ANXA6: variants seen among roughly 807,000 people sequenced by gnomAD.
ANXA6 encodes annexin A6.
In ANXA6, 71 loss-of-function variants were observed where a neutral mutation model predicts 95.4. The observed-to-expected ratio is 0.74, with a 90% CI of 0.61 to 0.91. The LOEUF (loss-of-function observed/expected upper bound fraction) is 0.91, where lower values mean the gene tolerates loss of function less well. Ranked by LOEUF, ANXA6 falls within the 40% of genes least tolerant of loss-of-function variation. ANXA6 has a pLI of 0.00. For synonymous variants in ANXA6, 289 were observed against 315.9 expected (o/e 0.91, Z 0.90); for missense variants, 830 against 876.4 (o/e 0.95, Z 0.67).
chr5:151,101,270 CG>C lies in ANXA6; in HGVS notation c.*177del. On this transcript the variant is annotated 3_prime_UTR_variant, in exon 26 of 26. Coordinates refer to ENST00000354546, the MANE Select transcript of ANXA6 (RefSeq NM_001155.5). ...CAGCCGCTCAGCCGTGCTGGGCCCT[CG>C]ATGGCCCGTGGGAGTGGGAGCGTTT... 1 of 658,470 alleles carries C rather than the reference CG, an allele frequency of 1.5e-6. No homozygotes were observed. The highest frequency in any genetic ancestry group is 1.8e-5 in the South Asian group (1 of 56,600). The allele number at this position is 658,470 out of a possible 1,614,324, so 40.8% of individuals were successfully genotyped here. A position where few individuals can be genotyped will look rare whatever the true frequency, so the allele number is the denominator to read the frequency against.
At chr5:151,116,265 AT>A (rs1206207372) in intron 20 of ANXA6, among the ~76,000 whole-genome samples, 3 of 152,212 alleles carry the variant, frequency 2.0e-5, no homozygotes, top group Non-Finnish European at 4.4e-5. Context: ...CTGGATGTCT[AT>A]AAAAGTCTGT....
rs3815723 is a variant in ANXA6, at chr5:151,132,668, G to A, written c.641-97C>T. On this transcript the variant is annotated intron_variant, in intron 9 of 25. Coordinates refer to ENST00000354546, the MANE Select transcript of ANXA6 (RefSeq NM_001155.5). ...AGCAGGGGGGCACAGTGGCCAGGAC[G>A]ACTGTCCACCATGAAGCTAGGGCTG... The A allele has an allele frequency of 0.01, 9,964 of 992,804 alleles. 496 individuals are homozygous for A. In the East Asian group the frequency reaches 0.15, roughly 15 times the overall value. 61.5% of individuals were successfully genotyped at this position (992,804 alleles called of 1,614,324 possible). A position where few individuals can be genotyped will look rare whatever the true frequency, so the allele number is the denominator to read the frequency against.
intron 1 of ANXA6, among the ~76,000 whole-genome samples, chr5:151,154,295 G>A (rs1347692000): frequency 1.4e-5 from 2 of 138,944 alleles, no homozygotes; most frequent in Non-Finnish European, 3.1e-5. Flanking sequence ...GCAGTTTGCA[G>A]TATATATATA....
chr5:151,129,752 C>T (rs1298634916), intron 11 of ANXA6, among the ~76,000 whole-genome samples: 1 of 152,020 alleles, frequency 6.6e-6, no homozygotes, highest in Admixed American at 6.5e-5. Flanking sequence ...TCACTCTTGT[C>T]CAGGCTGGAG....
In ANXA6 at chr5:151,103,620, G is replaced by A. The variant is rs1012456943; in HGVS notation, c.1912C>T (p.Arg638Trp). Residue 638 changes from arginine to tryptophan, a missense_variant, in exon 25 of 26, where the codon CGG becomes TGG. Arg to Trp is a moderately radical substitution (Grantham distance 101, BLOSUM62 -3). Coordinates refer to ENST00000354546, the MANE Select transcript of ANXA6 (RefSeq NM_001155.5). ...TCATATTTCTCAATGAATTCCCTCCGGATGTTGAGCAGGTCAATCTCACTG... is the reference window on the plus strand; with the variant it reads ...TCATATTTCTCAATGAATTCCCTCCAGATGTTGAGCAGGTCAATCTCACTG... ...SRSEIDLLNI[R>W]REFIEKYDKS... The A allele has an allele frequency of 1.9e-5, 30 of 1,611,690 alleles. No homozygotes were observed. In the Admixed American group the frequency reaches 2.5e-4, roughly 13 times the overall value.
At chr5:151,153,062 G>A (rs554829527) in intron 1 of ANXA6, among the ~76,000 whole-genome samples, 8 of 152,264 alleles carry the variant, frequency 5.3e-5, no homozygotes, top group Admixed American at 1.3e-4. Context: ...GCACTCCTCT[G>A]CTCACAAGTC....
intron 23 of ANXA6, among the ~76,000 whole-genome samples, chr5:151,107,164 C>A (rs530279462): frequency 6.6e-6 from 1 of 152,162 alleles, no homozygotes; most frequent in African/African-American, 2.4e-5. Flanking sequence ...ACTAACTTTG[C>A]GCAGGGCTTG....
chr5:151,102,265 C>T (rs1339316610), intron 25 of ANXA6, among the ~76,000 whole-genome samples: 1 of 152,078 alleles, frequency 6.6e-6, no homozygotes, highest in Non-Finnish European at 1.5e-5. Flanking sequence ...TCAAAATGTG[C>T]CAACAATTTA....
chr5:151,123,005 T>C lies in ANXA6; in HGVS notation c.1145A>G (p.Asp382Gly). 6.2e-7 allele frequency: 1 copy of C among 1,613,460 alleles called. No homozygotes were observed. Among genetic ancestry groups the C allele is most frequent in the Non-Finnish European group, 8.5e-7 (1 of 1,179,832 alleles). The stretch of plus-strand genomic sequence containing the variant: ...GATGATATCGATGATTGTGTCTTCG[T>C]CAGTCCCTGAGTCACCAAAGCCACA... The part of the protein sequence containing the change: ...LRKAMKGLGT[D>G]EDTIIDIITH... The change falls in exon 16 of 26, where the codon GAC becomes GGC. Residue 382 changes from aspartate to glycine, a missense_variant. Physicochemically the swap from Asp to Gly is moderately conservative, Grantham distance 94. Coordinates refer to ENST00000354546, the MANE Select transcript of ANXA6 (RefSeq NM_001155.5).
At chr5:151,148,796 C>T (rs554353102) in intron 1 of ANXA6, among the ~76,000 whole-genome samples, 4 of 152,162 alleles carry the variant, frequency 2.6e-5, no homozygotes, top group East Asian at 1.9e-4. Context: ...GGAACCACCA[C>T]GAGCTCAGTG....
chr5:151,119,839 T>C (rs972456710), intron 17 of ANXA6, among the ~76,000 whole-genome samples: 2 of 152,216 alleles, frequency 1.3e-5, no homozygotes, highest in Admixed American at 6.5e-5. Context: ...ACATGTATTA[T>C]TTTGTTAGAA....
chr5:151,155,085 T>C (rs1324785645), intron 1 of ANXA6: 2 of 152,194 alleles, frequency 1.3e-5, no homozygotes, highest in Non-Finnish European at 2.9e-5. Context: ...GGAAGCACTA[T>C]ATTTTATAAG....
At chr5:151,112,599 A>C (rs1764881084) in intron 20 of ANXA6, among the ~76,000 whole-genome samples, 1 of 152,242 alleles carries the variant, frequency 6.6e-6, no homozygotes, top group African/African-American at 2.4e-5. Context: ...TGGGAAGCCA[A>C]GGTGGGAGGA....
chr5:151,139,691 A>C (rs1365325260), intron 3 of ANXA6, among the ~76,000 whole-genome samples: 1 of 152,222 alleles, frequency 6.6e-6, no homozygotes, highest in African/African-American at 2.4e-5. Flanking sequence ...TCACTGCACA[A>C]ATCAGGAAAT....
chr5:151,141,588 C>T lies in ANXA6; in HGVS notation c.19-1345G>A, dbSNP rs553603680. ...GTCCTGGACCGCCTCCCCCTCTCCCCGTCTCCGTGCCTCCCAACGTCTGCA... is the reference window on the plus strand; with the variant it reads ...GTCCTGGACCGCCTCCCCCTCTCCCTGTCTCCGTGCCTCCCAACGTCTGCA... On this transcript the variant is annotated intron_variant, in intron 2 of 25. Transcript: ENST00000354546. 3.2e-5 allele frequency: 32 copies of T among 985,536 alleles called. No homozygotes were observed. In the African/African-American group the frequency reaches 4.7e-4, roughly 14 times the overall value. The allele number at this position is 985,536 out of a possible 1,614,324, so 61.0% of individuals were successfully genotyped here.
At chr5:151,138,924 A>T in intron 4 of ANXA6, 133 bp from the exon 5 acceptor site, 1 of 685,068 alleles carries the variant, frequency 1.5e-6, no homozygotes, top group Non-Finnish European at 2.6e-6. Flanking sequence ...TCACCCTTGG[A>T]GGTATGTACT....
intron 13 of ANXA6, 83 bp downstream of exon 13, chr5:151,128,098 A>T: frequency 8.3e-7 from 1 of 1,201,628 alleles, no homozygotes; most frequent in Non-Finnish European, 1.2e-6. Context: ...CATCCAATCC[A>T]CCCATCAGGA....
chr5:151,111,935 C>T (rs1038055624), intron 20 of ANXA6, among the ~76,000 whole-genome samples: 8 of 152,042 alleles, frequency 5.3e-5, no homozygotes, highest in African/African-American at 1.7e-4. Flanking sequence ...ATTACATGTG[C>T]ATGCCACCAG....
intron 24 of ANXA6, among the ~76,000 whole-genome samples, chr5:151,104,824 TCTGAGAGG>T (rs1028312081): frequency 5.1e-4 from 78 of 151,978 alleles, no homozygotes; most frequent in African/African-American, 1.8e-3. Context: ...GATTGTGAGC[TCTGAGAGG>T]GCAGAGACTG....
Sources: gnomAD v4.1 joint callset for allele counts (sites outside exome capture counted in the v4.1 genomes callset) on GRCh38, gnomAD v4.1.1 for gene constraint, MANE v1.5 for transcripts, NCBI Gene and HGNC (gene_info 2026-07-23, HGNC 2026-07-21) for gene names.